Variants in POU5F1 observed in about 807,000 individuals in gnomAD.
POU5F1 encodes the protein POU class 5 homeobox 1.
Under a neutral mutation model 38.3 loss-of-function variants are expected in POU5F1, and 6 were observed. The observed-to-expected ratio is 0.16, with a 90% confidence interval of 0.09 to 0.31. POU5F1 has a LOEUF of 0.31. POU5F1 is among the 10% of genes least tolerant of loss of function. POU5F1 has a pLI of 1.00. For synonymous variants in POU5F1, 147 were observed against 194.9 expected (o/e 0.75, Z 2.05); for missense variants, 286 against 462.6 (o/e 0.62, Z 3.50).
rs746492273 is a variant in POU5F1 at position 31,170,659 on chromosome 6, T to C, written c.-39A>G. On this transcript the variant is annotated 5_prime_UTR_variant, in exon 1 of 5. Coordinates refer to ENST00000259915, the MANE Select transcript of POU5F1 (RefSeq NM_002701.6). ...GCCCCAAGCCGGGGGCCTGGTGAAA[T>C]GAGGGCTTGCGAAGGGACTACTCAA... is the stretch of plus-strand genomic sequence containing the variant. 23 of 1,522,772 alleles carry C rather than the reference T, an allele frequency of 1.5e-5. No homozygotes were observed. Among genetic ancestry groups the C allele is most frequent in the Non-Finnish European group, 1.9e-5 (21 of 1,133,930 alleles). The allele number at this position is 1,522,772 out of a possible 1,614,324, so 94.3% of individuals were successfully genotyped here. A position where few individuals can be genotyped will look rare whatever the true frequency, so the allele number is the denominator to read the frequency against.
chr6:31,169,672 C>A (rs1201350989), intron 1 of POU5F1, among the ~76,000 whole-genome samples: 1 of 152,132 alleles, frequency 6.6e-6, no homozygotes, highest in Non-Finnish European at 1.5e-5. Context: ...ACACACACAG[C>A]CCAAACAGGA....
At chr6:31,167,959 C>T (rs572241903) in intron 1 of POU5F1, among the ~76,000 whole-genome samples, 1 of 150,756 alleles carries the variant, frequency 6.6e-6, no homozygotes, top group African/African-American at 2.4e-5. Flanking sequence ...TTTCTCCCCA[C>T]CAAGACGGAA....
chr6:31,169,784 T>C (rs1777527164), intron 1 of POU5F1: 1 of 223,092 alleles, frequency 4.5e-6, no homozygotes, highest in South Asian at 9.7e-5. Flanking sequence ...AAGGCCAAAA[T>C]CTTGGGTCTG....
Position 31,165,435 on chromosome 6 carries a change from A to G in POU5F1, c.657+136T>C. ...AAGGGTTGGCTCTGGACCTTATCCC[A>G]GCAGAACTGAGGAATTTCACTCCAT... On this transcript the variant is annotated intron_variant, in intron 3 of 4. Coordinates refer to ENST00000259915, the MANE Select transcript of POU5F1 (RefSeq NM_002701.6). This position sits in a 1 kb window ranked among gnomAD's most constrained non-coding sequence, Gnocchi z 6.5. 6.4e-7 allele frequency: 1 copy of G among 1,569,084 alleles called. No homozygotes were observed. Among genetic ancestry groups the G allele is most frequent in the Non-Finnish European group, 8.7e-7 (1 of 1,155,380 alleles).
chr6:31,168,346 C>T (rs1316769260), intron 1 of POU5F1, among the ~76,000 whole-genome samples: 1 of 151,824 alleles, frequency 6.6e-6, no homozygotes, highest in Non-Finnish European at 1.5e-5. Flanking sequence ...AGCGATTCTC[C>T]TGCCTCAGCT....
At chr6:31,166,078 A>T in intron 1 of POU5F1, 31 bp from the exon 2 acceptor site, 1 of 1,614,232 alleles carries the variant, frequency 6.2e-7, no homozygotes, top group African/African-American at 1.3e-5. Context: ...GACTTGTAAG[A>T]ACATAAACAC....
chr6:31,170,163 C>T (rs1777552852), intron 1 of POU5F1, 53 bp downstream of exon 1: 14 of 1,612,046 alleles, frequency 8.7e-6, no homozygotes, highest in Non-Finnish European at 1.2e-5. Context: ...CCCCATCAGG[C>T]TGCCCTGTCA....
intron 1 of POU5F1, chr6:31,166,938 G>T: frequency 9.2e-7 from 1 of 1,083,302 alleles, no homozygotes; most frequent in Non-Finnish European, 1.2e-6. Flanking sequence ...TGCTTTGTGT[G>T]TACTTACTCA....
At chr6:31,169,023 A>G (rs1484988034) in intron 1 of POU5F1, among the ~76,000 whole-genome samples, 3 of 152,332 alleles carry the variant, frequency 2.0e-5, no homozygotes, top group Non-Finnish European at 2.9e-5. Flanking sequence ...TGCTCAGCCA[A>G]TAACTCAAAC....
Position 31,170,199 on chromosome 6 carries a change from C to G in POU5F1, c.405+17G>C, listed in dbSNP as rs773132319. 6.2e-7 allele frequency: 1 copy of G among 1,612,858 alleles called. No homozygotes were observed. Among genetic ancestry groups the G allele is most frequent in the Non-Finnish European group, 8.5e-7 (1 of 1,179,832 alleles). ...TGACCACCTCCCCACACCCCAACCCCGTCGAAGCTCACTTGCCTCCTCCGG... is the reference window on the plus strand; with the variant it reads ...TGACCACCTCCCCACACCCCAACCCGGTCGAAGCTCACTTGCCTCCTCCGG... On this transcript the variant is annotated intron_variant, in intron 1 of 4. Transcript: ENST00000259915.
chr6:31,164,514 A>G lies in POU5F1; in HGVS notation c.*87T>C. On this transcript the variant is annotated 3_prime_UTR_variant, in exon 5 of 5. Coordinates refer to ENST00000259915, the MANE Select transcript of POU5F1 (RefSeq NM_002701.6). ...CCTTCCTTAGTGAATGAAGAACTTA[A>G]TCCCAAAAACCCTGGCACAAACTCC... is the stretch of plus-strand genomic sequence containing the variant. 1 of 1,545,426 alleles carries G rather than the reference A, an allele frequency of 6.5e-7. No homozygotes were observed. The highest frequency in any genetic ancestry group is 8.8e-7 in the Non-Finnish European group (1 of 1,141,594).
intron 1 of POU5F1, among the ~76,000 whole-genome samples, chr6:31,167,960 C>CCA (rs1554136002): frequency 6.6e-6 from 1 of 150,884 alleles, no homozygotes; most frequent in African/African-American, 2.4e-5. Context: ...TTCTCCCCAC[C>CCA]AAGACGGAAT....
At chr6:31,168,338 C>T (rs1328769553) in intron 1 of POU5F1, among the ~76,000 whole-genome samples, 2 of 151,068 alleles carry the variant, frequency 1.3e-5, no homozygotes, top group African/African-American at 2.4e-5. Context: ...CAGGTTCAAG[C>T]GATTCTCCTG....
rs765032069 is a variant in POU5F1, at chr6:31,170,200, G to T, written c.405+16C>A. The T allele has an allele frequency of 3.7e-6, 6 of 1,612,660 alleles. No homozygotes were observed. The highest frequency in any genetic ancestry group is 4.2e-6 in the Non-Finnish European group (5 of 1,179,826). ...GACCACCTCCCCACACCCCAACCCC[G>T]TCGAAGCTCACTTGCCTCCTCCGGG... On this transcript the variant is annotated intron_variant, in intron 1 of 4. Transcript: ENST00000259915.
intron 1 of POU5F1, chr6:31,166,345 A>G (rs71563310): frequency 7.5e-7 from 1 of 1,325,600 alleles, no homozygotes; most frequent in Non-Finnish European, 1.0e-6. Flanking sequence ...TGGCCTCGAG[A>G]ACACCTGTCA....
intron 1 of POU5F1, chr6:31,166,709 C>A: frequency 1.7e-6 from 2 of 1,171,404 alleles, no homozygotes; most frequent in Non-Finnish European, 2.1e-6. Context: ...AAAATTCTCT[C>A]ACTCAAGTAT....
chr6:31,167,537 G>C (rs1307433205), intron 1 of POU5F1, among the ~76,000 whole-genome samples: 3 of 152,032 alleles, frequency 2.0e-5, no homozygotes, highest in Non-Finnish European at 4.4e-5. Context: ...GTGAGACTCT[G>C]TCTCTACTAA....
Position 31,165,433 on chromosome 6 carries a change from C to T in POU5F1, c.657+138G>A. On this transcript the variant is annotated intron_variant, in intron 3 of 4. Transcript: ENST00000259915. The surrounding 1 kb of genome is among the most constrained non-coding windows in gnomAD (Gnocchi z 6.5). The stretch of plus-strand genomic sequence containing the variant: ...GGAAGGGTTGGCTCTGGACCTTATC[C>T]CAGCAGAACTGAGGAATTTCACTCC... 1 of 1,567,402 alleles carries T rather than the reference C, an allele frequency of 6.4e-7. No homozygotes were observed. The highest frequency in any genetic ancestry group is 8.7e-7 in the Non-Finnish European group (1 of 1,154,438).
Position 31,164,778 on chromosome 6 carries a change from C to T in POU5F1, c.906G>A (p.Gly302=), listed in dbSNP as rs1777077666. Residue 302 remains glycine (G), a synonymous_variant, in exon 5 of 5, where the codon GGG becomes GGA. Coordinates refer to ENST00000259915, the MANE Select transcript of POU5F1 (RefSeq NM_002701.6). ...ACACTGGTCCCCCTGAGAAAGGAGACCCAGCAGCCTCAAAATCCTCTCGTT... is the reference window on the plus strand; with the variant it reads ...ACACTGGTCCCCCTGAGAAAGGAGATCCAGCAGCCTCAAAATCCTCTCGTT... The part of the protein sequence containing the change: ...YAQREDFEAA[G]SPFSGGPVSF... The T allele has an allele frequency of 6.2e-7, 1 of 1,612,196 alleles. No homozygotes were observed. Among genetic ancestry groups the T allele is most frequent in the East Asian group, 2.2e-5 (1 of 44,854 alleles).
Sources: allele counts gnomAD v4.1 joint callset (sites outside exome capture counted in the v4.1 genomes callset), GRCh38; gene constraint gnomAD v4.1.1; non-coding constraint Gnocchi (gnomAD v3.1); transcripts MANE v1.5; gene names NCBI Gene and HGNC (gene_info 2026-07-23, HGNC 2026-07-21).